PSMA8: variants seen among roughly 807,000 people sequenced by gnomAD.
PSMA8 encodes proteasome subunit alpha-type 8.
PSMA8 carries 18 observed loss-of-function variants against 32.4 expected under a neutral mutation model. The ratio of observed to expected loss-of-function variants is 0.56; its 90% CI spans 0.38 to 0.82. The LOEUF (loss-of-function observed/expected upper bound fraction) is 0.82, where lower values mean the gene tolerates loss of function less well. PSMA8 is among the 40% of genes least tolerant of loss of function. The probability of loss-of-function intolerance (pLI) is 0.00; values close to 1 mark genes in which losing one functional copy is unlikely to be tolerated. For synonymous variants in PSMA8, 104 were observed against 98.1 expected, an observed-to-expected ratio of 1.06 and a Z score of -0.36; for missense variants, 298 against 300.7, an observed-to-expected ratio of 0.99 and a Z score of 0.07.
chr18:26,154,149 G>A (rs1003197721), intron 3 of PSMA8, among the ~76,000 whole-genome samples: 7 of 152,100 alleles, frequency 4.6e-5, no homozygotes, highest in Non-Finnish European at 8.8e-5. Context: ...TGATCTGCCC[G>A]TCTCAGCCTC....
At position 26,173,540 on chromosome 18, in the gene PSMA8, G is replaced by A. The variant is rs555925305; in HGVS notation, c.478-5290G>A. 2.6e-5 allele frequency among the ~76,000 whole-genome samples: 4 copies of A among 150,990 alleles called. No individual in the cohort carries two copies. In the South Asian group the frequency reaches 8.4e-4, roughly 32 times the overall value. On this transcript the variant is annotated intron_variant, in intron 4 of 6. Coordinates refer to ENST00000415576, the MANE Select transcript of PSMA8 (RefSeq NM_001025096.2). ...CCCCACTAAGCTTTAAGGTCTATGA[G>A]TGCAGGGATTTTTGTCTACTTTTTT... is the stretch of plus-strand genomic sequence containing the variant.
chr18:26,179,786 T>G (rs541862880), intron 6 of PSMA8, among the ~76,000 whole-genome samples: 8 of 152,100 alleles, frequency 5.3e-5, no homozygotes, highest in Admixed American at 2.0e-4. Flanking sequence ...AGAAATATAC[T>G]TAAAGGATTG....
chr18:26,159,315 G>A (rs1465228632), intron 4 of PSMA8, among the ~76,000 whole-genome samples: 1 of 152,060 alleles, frequency 6.6e-6, no homozygotes, highest in Non-Finnish European at 1.5e-5. Context: ...TAAAGCAGTG[G>A]ATTATTCTTA....
intron 4 of PSMA8, among the ~76,000 whole-genome samples, chr18:26,160,000 G>A (rs78956844): frequency 0.024 from 3,666 of 152,246 alleles, 154 homozygotes; most frequent in African/African-American, 0.084. Context: ...TTTTGTTGCT[G>A]TTGTTAAGTT....
chr18:26,164,821 A>G (rs1029096801), intron 4 of PSMA8, among the ~76,000 whole-genome samples: 1 of 152,116 alleles, frequency 6.6e-6, no homozygotes, highest in African/African-American at 2.4e-5. Flanking sequence ...AATTTTCGGG[A>G]TGTGATTATT....
In PSMA8 at chr18:26,192,402, ATCTG is replaced by A. The variant is rs968076601; in HGVS notation, c.748_751del (p.Val250AsnfsTer3). On this transcript the variant is annotated frameshift_variant, in exon 7 of 7. Transcript: ENST00000415576. LOFTEE classifies it high-confidence loss of function. ...AAGCAGAGAAGAAAAAATCAAAGAA[ATCTG>A]TCTAATTCTTAGGATGACCACTGGG... is the stretch of plus-strand genomic sequence containing the variant. 6 of 1,530,930 alleles carry A rather than the reference ATCTG, an allele frequency of 3.9e-6. No individual in the cohort carries two copies. The highest frequency in any genetic ancestry group is 5.2e-6 in the Non-Finnish European group (6 of 1,151,556). 94.8% of individuals were successfully genotyped at this position (1,530,930 alleles called of 1,614,324 possible). A position where few individuals can be genotyped will look rare whatever the true frequency, so the allele number is the denominator to read the frequency against.
At chr18:26,188,825 T>G (rs915041114) in intron 6 of PSMA8, among the ~76,000 whole-genome samples, 1 of 152,080 alleles carries the variant, frequency 6.6e-6, no homozygotes, top group Admixed American at 6.5e-5. Flanking sequence ...TCTCACCATA[T>G]ATAAAAAATC....
chr18:26,141,030 A>G (rs2054951707), intron 1 of PSMA8, among the ~76,000 whole-genome samples: 1 of 152,158 alleles, frequency 6.6e-6, no homozygotes, highest in Admixed American at 6.5e-5. Flanking sequence ...ACTTGTATGT[A>G]TTTCTTTCAC....
Position 26,170,846 on chromosome 18 carries a change from C to A in PSMA8, c.478-7984C>A. 2.6e-6 allele frequency: 4 copies of A among 1,559,174 alleles called. 1 individual carries two copies. Among genetic ancestry groups the A allele is most frequent in the African/African-American group, 4.6e-5 (2 of 43,262 alleles). On this transcript the variant is annotated intron_variant, in intron 4 of 6. Transcript: ENST00000415576. ...TCTCCAAATCAATTTCTGGAAAAAA[C>A]GTGTCACTTTCAAAGTCTTGCATGA...
At chr18:26,146,196 G>GTT (rs1156982084) in intron 2 of PSMA8, among the ~76,000 whole-genome samples, 3 of 138,968 alleles carry the variant, frequency 2.2e-5, no homozygotes, top group African/African-American at 7.9e-5. Context: ...TTCTGATTGG[G>GTT]TTTTTTTTTT....
intron 1 of PSMA8, 144 bp from the exon 2 acceptor site, chr18:26,144,415 G>A: frequency 1.6e-6 from 1 of 620,886 alleles, no homozygotes; most frequent in Non-Finnish European, 2.8e-6. Flanking sequence ...CTATACCTAT[G>A]AAGCTGTTTT....
chr18:26,191,155 T>C (rs1296959158), intron 6 of PSMA8, among the ~76,000 whole-genome samples: 4 of 152,228 alleles, frequency 2.6e-5, no homozygotes, highest in African/African-American at 7.2e-5. Flanking sequence ...TGTTTTCTTA[T>C]ATGTAAATTC....
chr18:26,171,327 G>C, intron 4 of PSMA8: 1 of 1,468,040 alleles, frequency 6.8e-7, no homozygotes. Context: ...CGTTACAGCA[G>C]AACGCGCGGT....
intron 1 of PSMA8, among the ~76,000 whole-genome samples, chr18:26,137,787 A>T (rs2054924679): frequency 6.6e-6 from 1 of 152,222 alleles, no homozygotes; most frequent in Non-Finnish European, 1.5e-5. Flanking sequence ...AGATAATTAC[A>T]TAAATAGTCC....
At chr18:26,181,414 G>A (rs1370965316) in intron 6 of PSMA8, among the ~76,000 whole-genome samples, 1 of 152,064 alleles carries the variant, frequency 6.6e-6, no homozygotes, top group African/African-American at 2.4e-5. Context: ...CCTATTGCCT[G>A]AGGCATAACA....
intron 4 of PSMA8, among the ~76,000 whole-genome samples, chr18:26,169,076 G>A (rs1319449792): frequency 3.8e-5 from 5 of 131,882 alleles, no homozygotes; most frequent in African/African-American, 2.0e-4. Flanking sequence ...TGAACTCGTG[G>A]GCTCAATTAA....
At position 26,151,976 on chromosome 18, in the gene PSMA8, A is replaced by G. The variant is rs369804246; in HGVS notation, c.348A>G (p.Leu116=). Residue 116 remains leucine, a synonymous_variant, in exon 3 of 7, where the codon TTA becomes TTG. Transcript: ENST00000415576. The stretch of plus-strand genomic sequence containing the variant: ...ACATAACTCGCTTCATAGCAACTTT[A>G]AAGCAGGTAAGCTAATATTCTAACA... The part of the protein sequence containing the change: ...VEYITRFIAT[L]KQKYTQSNGR... The G allele has an allele frequency of 1.0e-4, 165 of 1,596,060 alleles. No individual in the cohort carries two copies. The highest frequency in any genetic ancestry group is 1.3e-4 in the Non-Finnish European group (152 of 1,174,802).
chr18:26,137,238 A>G (rs1340508752), intron 1 of PSMA8, among the ~76,000 whole-genome samples: 1 of 152,150 alleles, frequency 6.6e-6, no homozygotes, highest in Non-Finnish European at 1.5e-5. Context: ...TGAGTGGATC[A>G]CTGGAGGTCA....
At chr18:26,170,657 TA>T in intron 4 of PSMA8, 1 of 1,133,140 alleles carries the variant, frequency 8.8e-7, no homozygotes, top group Non-Finnish European at 1.2e-6. Flanking sequence ...AAACCTTTTC[TA>T]ATGTAAAAAT....
Sources: gnomAD v4.1 joint callset for allele counts (sites outside exome capture counted in the v4.1 genomes callset) on GRCh38, gnomAD v4.1.1 for gene constraint, MANE v1.5 for transcripts, NCBI Gene and HGNC (gene_info 2026-07-23, HGNC 2026-07-21) for gene names.